The following TTN variants were observed in gnomAD, a reference collection of about 807,000 sequenced individuals.
TTN encodes connectin.
A neutral mutation model predicts 3,223.0 loss-of-function variants in TTN; 1,525 were observed. That is an observed-to-expected ratio of 0.47 (90% CI 0.45 to 0.49). TTN has a LOEUF of 0.49. Among genes scored for constraint, TTN ranks in the 20% least tolerant of loss-of-function variants. The pLI, the probability that TTN is intolerant of heterozygous loss-of-function variation, is 0.00. For missense variants in TTN, 40,786 were observed against 43,424.0 expected, an observed-to-expected ratio of 0.94 and a Z score of 5.40; for synonymous variants, 14,094 against 15,161.0, an observed-to-expected ratio of 0.93 and a Z score of 5.17.
At chr2:178,781,384 T>A in intron 20 of TTN, 121 bp from the exon 21 acceptor site, 1 of 1,106,868 alleles carries the variant, frequency 9.0e-7, no homozygotes. Context: ...AACATATGAC[T>A]AAGCTCCACA....
Position 178,637,381 on chromosome 2 carries a change from CT to C in TTN, c.40914del (p.Gly13639ValfsTer14). The C allele has an allele frequency of 2.0e-6, 3 of 1,476,942 alleles. No homozygotes were observed. The highest frequency in any genetic ancestry group is 1.5e-5 in the South Asian group (1 of 65,206). The allele number at this position is 1,476,942 out of a possible 1,614,324, so 91.5% of individuals were successfully genotyped here. A position where few individuals can be genotyped will look rare whatever the true frequency, so the allele number is the denominator to read the frequency against. On this transcript the variant is annotated frameshift_variant, in exon 224 of 363. Coordinates refer to ENST00000589042, the MANE Select transcript of TTN (RefSeq NM_001267550.2). LOFTEE classifies it high-confidence loss of function. Reference protein sequence around the residue: ...KAPKEEAAKPKGPIKGVPKKT... With the variant: ...KAPKEEAAKPXGPIKGVPKKT... ...AAATGAATTTCACCTTTGATAGGAC[CT>C]TTTGGCTTGGCAGCCTCTTCCTTAG...
intron 263 of TTN, 77 bp from the exon 264 acceptor site, chr2:178,613,353 G>A: frequency 9.2e-7 from 1 of 1,091,364 alleles, no homozygotes; most frequent in Non-Finnish European, 1.3e-6. Flanking sequence ...ACACAGAAGA[G>A]ACTAATTTAT....
chr2:178,635,479 T>C lies in TTN; in HGVS notation c.41845A>G (p.Ile13949Val). ...TTTGCAGGGTATCTTTTTCCTTCAA[T>C]TTCCACTGCATACTCAGCAATATCT... ...PEDIAEYAVE[I>V]EGKRYPAKLT... Residue 13949 changes from isoleucine to valine, a missense_variant, in exon 227 of 363, where the codon ATT (isoleucine) becomes GTT (valine). Physicochemically the swap from Ile to Val is conservative, Grantham distance 29. Coordinates refer to ENST00000589042, the MANE Select transcript of TTN (RefSeq NM_001267550.2). 6.2e-7 allele frequency: 1 copy of C among 1,606,632 alleles called. No individual in the cohort carries two copies.
rs771686321 is a variant in TTN, at chr2:178,608,592, C to T, written c.52405+14G>A. 20 of 1,603,876 alleles carry T rather than the reference C, an allele frequency of 1.2e-5. No homozygotes were observed. The highest frequency in any genetic ancestry group is 1.6e-5 in the Non-Finnish European group (19 of 1,175,996). On this transcript the variant is annotated intron_variant, in intron 274 of 362. Transcript: ENST00000589042. ...TGGTAAAAAGGCAAACTTTAGATGCCAAAGGAAACTTACCAAATGGATCTT... is the reference window on the plus strand; with the variant it reads ...TGGTAAAAAGGCAAACTTTAGATGCTAAAGGAAACTTACCAAATGGATCTT...
At position 178,730,597 on chromosome 2, in the gene TTN, C is replaced by T. The variant is rs1188866592; in HGVS notation, c.17936G>A (p.Ser5979Asn). ...CCCACTGTCTGTACCTTCCAGCTGG[C>T]TGATTTCCAAGAAGGCAGTATTGTC... ...FHDNTAFLEI[S>N]QLEGTDSGTY... The change falls in exon 61 of 363, where the codon AGC (serine) becomes AAC (asparagine). Residue 5979 changes from serine to asparagine, a missense_variant. Coordinates refer to ENST00000589042, the MANE Select transcript of TTN (RefSeq NM_001267550.2). The T allele has an allele frequency of 6.2e-7, 1 of 1,613,624 alleles. No individual in the cohort carries two copies. Among genetic ancestry groups the T allele is most frequent in the East Asian group, 2.2e-5 (1 of 44,860 alleles).
chr2:178,764,881 A>G lies in TTN; in HGVS notation c.9704-70T>C, dbSNP rs779595693. 2.2e-5 allele frequency: 35 copies of G among 1,581,546 alleles called. No individual in the cohort carries two copies. The South Asian group carries it at 3.5e-4, about 16-fold the overall frequency. ...CACAAGAGAGCATGCAAAACTCTAC[A>G]TTAATTTGTTGCTGGCTAGTTATAC... On this transcript the variant is annotated intron_variant, in intron 41 of 362. Transcript: ENST00000589042.
chr2:178,735,737 C>G lies in TTN; in HGVS notation c.14709G>C (p.Lys4903Asn), dbSNP rs1060500444. ...ELEPVQSAIN[K>N]KVHLECQVDE... ...CTACTTGGCACTCAAGGTGGACCTTCTTATTGATAGCGGACTGCACAGGCT... is the reference window on the plus strand; with the variant it reads ...CTACTTGGCACTCAAGGTGGACCTTGTTATTGATAGCGGACTGCACAGGCT... Residue 4903 changes from lysine to asparagine, a missense_variant, in exon 50 of 363, where the codon AAG becomes AAC. Coordinates refer to ENST00000589042, the MANE Select transcript of TTN (RefSeq NM_001267550.2). 6.2e-7 allele frequency: 1 copy of G among 1,613,794 alleles called. No individual in the cohort carries two copies. Among genetic ancestry groups the G allele is most frequent in the Admixed American group, 1.7e-5 (1 of 59,996 alleles).
chr2:178,767,181 A>G (rs1226136885), intron 40 of TTN, among the ~76,000 whole-genome samples: 1 of 152,212 alleles, frequency 6.6e-6, no homozygotes, highest in East Asian at 1.9e-4. Context: ...GCTGAACTCA[A>G]CTGGTATTTC....
chr2:178,618,981 CAGAGA>C lies in TTN; in HGVS notation c.46697-133_46697-129del, dbSNP rs1357140568. Reference sequence around the variant, plus strand: ...GAAGTAAGCTACAGTAACTTTATAGCAGAGAAAACTAAGTGGCTTAGAGTTCTCAT... The same window carrying C: ...GAAGTAAGCTACAGTAACTTTATAGCAAACTAAGTGGCTTAGAGTTCTCAT... On this transcript the variant is annotated intron_variant, in intron 250 of 362. Coordinates refer to ENST00000589042, the MANE Select transcript of TTN (RefSeq NM_001267550.2). 6.0e-5 allele frequency: 77 copies of C among 1,293,322 alleles called. No individual in the cohort carries two copies. In the African/African-American group the frequency reaches 1.1e-3, roughly 18 times the overall value. 80.1% of individuals were successfully genotyped at this position (1,293,322 alleles called of 1,614,324 possible).
In TTN at chr2:178,591,273, A is replaced by G. The variant is rs746925706; in HGVS notation, c.60452T>C (p.Ile20151Thr). 1 of 1,613,104 alleles carries G rather than the reference A, an allele frequency of 6.2e-7. No homozygotes were observed. Among genetic ancestry groups the G allele is most frequent in the African/African-American group, 1.3e-5 (1 of 74,866 alleles). ...GCTACCGGCTGCATTGGAAACTGTG[A>G]TTTGATATTCCCCAGTGTCTCTCCT... ...CLRRDTGEYQ[I>T]TVSNAAGSKT... The change falls in exon 304 of 363, where the codon ATC becomes ACC. Residue 20151 changes from isoleucine to threonine, a missense_variant. Coordinates refer to ENST00000589042, the MANE Select transcript of TTN (RefSeq NM_001267550.2).
At chr2:178,773,070 T>C in intron 33 of TTN, 39 bp downstream of exon 33, 1 of 1,611,682 alleles carries the variant, frequency 6.2e-7, no homozygotes, top group Non-Finnish European at 8.5e-7. Flanking sequence ...AAAATAACAA[T>C]CACTCCTCGT....
Position 178,579,276 on chromosome 2 carries a change from T to C in TTN, c.67754A>G (p.Lys22585Arg). ...AGTTGCTAGAGGATCTTCCCCTTTC[T>C]TCCAGGAGACTGATGGAGCTGGCTT... ...KGKPAPSVSW[K>R]KGEDPLATDT... Residue 22585 changes from lysine (K) to arginine (R), a missense_variant, in exon 320 of 363, where the codon AAG becomes AGG. Coordinates refer to ENST00000589042, the MANE Select transcript of TTN (RefSeq NM_001267550.2). 2 of 1,613,308 alleles carry C rather than the reference T, an allele frequency of 1.2e-6. No homozygotes were observed. The highest frequency in any genetic ancestry group is 1.7e-6 in the Non-Finnish European group (2 of 1,179,520).
Position 178,609,256 on chromosome 2 carries a change from C to T in TTN, c.52054G>A (p.Glu17352Lys). ...GCTTTTGCAATACCGTGGTCATTTT[C>T]AACTTTGATCATATACAGACCATGG... Reference protein sequence around the residue: ...PDHGLYMIKVENDHGIAKAPC... With the variant: ...PDHGLYMIKVKNDHGIAKAPC... The change falls in exon 273 of 363, where the codon GAA becomes AAA. Residue 17352 changes from glutamate to lysine, a missense_variant. Coordinates refer to ENST00000589042, the MANE Select transcript of TTN (RefSeq NM_001267550.2). The T allele has an allele frequency of 6.5e-7, 1 of 1,536,802 alleles. No individual in the cohort carries two copies. Among genetic ancestry groups the T allele is most frequent in the Middle Eastern group, 1.8e-4 (1 of 5,684 alleles).
chr2:178,684,300 A>G (rs761797928), intron 132 of TTN, 30 bp downstream of exon 132: 3 of 1,608,062 alleles, frequency 1.9e-6, no homozygotes, highest in East Asian at 4.5e-5. Context: ...GGCAAGTACA[A>G]TATTGTGCAT....
intron 98 of TTN, among the ~76,000 whole-genome samples, 198 bp from the exon 99 acceptor site, chr2:178,710,054 T>G (rs1333462512): frequency 1.3e-5 from 2 of 152,170 alleles, no homozygotes; most frequent in Non-Finnish European, 2.9e-5. Context: ...ACTTACAAGG[T>G]GGATGATAAG....
At position 178,564,183 on chromosome 2, in the gene TTN, C is replaced by G. The variant is rs1434330338; in HGVS notation, c.81949G>C (p.Glu27317Gln). 5 of 1,613,596 alleles carry G rather than the reference C, an allele frequency of 3.1e-6. No homozygotes were observed. The highest frequency in any genetic ancestry group is 1.1e-5 in the South Asian group (1 of 91,084). The part of the protein sequence containing the change: ...VVWSKDGKEL[E>Q]ETAARMEIKS... ...ATTTCCATTCTAGCAGCTGTTTCTT[C>G]AAGTTCTTTTCCATCTTTTGACCAA... Residue 27317 changes from glutamate to glutamine, a missense_variant, in exon 326 of 363, where the codon GAA becomes CAA. Transcript: ENST00000589042.
chr2:178,748,869 T>A, intron 47 of TTN: 1 of 1,612,500 alleles, frequency 6.2e-7, no homozygotes, highest in Non-Finnish European at 8.5e-7. Context: ...GCCTGATACA[T>A]ATTTGCATTT....
At position 178,774,015 on chromosome 2, in the gene TTN, C is replaced by T. The variant is rs762331136; in HGVS notation, c.7153G>A (p.Glu2385Lys). ...LEVKVSLESVEGVWMKDGQEV... is the reference protein window; with the variant it reads ...LEVKVSLESVKGVWMKDGQEV... ...TGGCCGTCTTTCATCCAGACGCCTT[C>T]CACACTTTCCAAGGAGACTTTAACT... The change falls in exon 31 of 363, where the codon GAA becomes AAA. Residue 2385 changes from glutamate (E) to lysine (K), a missense_variant. Coordinates refer to ENST00000589042, the MANE Select transcript of TTN (RefSeq NM_001267550.2). 4.3e-6 allele frequency: 7 copies of T among 1,614,106 alleles called. No homozygotes were observed. Among genetic ancestry groups the T allele is most frequent in the Non-Finnish European group, 5.9e-6 (7 of 1,179,988 alleles).
At chr2:178,625,156 T>C in intron 241 of TTN, 117 bp downstream of exon 241, 6 of 1,372,606 alleles carry the variant, frequency 4.4e-6, no homozygotes, top group Non-Finnish European at 5.8e-6. Flanking sequence ...ATCAGACTTT[T>C]GATTATTTGG....
Sources: allele counts gnomAD v4.1 joint callset (sites outside exome capture counted in the v4.1 genomes callset), GRCh38; gene constraint gnomAD v4.1.1; transcripts MANE v1.5; gene names NCBI Gene and HGNC (gene_info 2026-07-23, HGNC 2026-07-21).